The following NRXN1 variants were observed in gnomAD, a reference collection of about 807,000 sequenced individuals.
NRXN1 encodes neurexin 1.
NRXN1 carries 39 observed loss-of-function variants against 150.9 expected under a neutral mutation model. The ratio of observed to expected loss-of-function variants is 0.26; its 90% confidence interval spans 0.20 to 0.34. NRXN1 has a LOEUF of 0.34. Ranked by LOEUF, NRXN1 falls within the 10% of genes least tolerant of loss-of-function variation. The pLI, the probability that NRXN1 is intolerant of heterozygous loss-of-function variation, is 1.00. For synonymous variants in NRXN1, 924 were observed against 757.0 expected, an observed-to-expected ratio of 1.22 and a Z score of -3.62; for missense variants, 1,815 against 1,949.9, an observed-to-expected ratio of 0.93 and a Z score of 1.30.
At chr2:50,759,826 C>CTGTG (rs72209781) in intron 5 of NRXN1, among the ~76,000 whole-genome samples, 14,664 of 142,118 alleles carry the variant, frequency 0.1, 814 homozygotes, top group African/African-American at 0.14. Flanking sequence ...TCTAACTAAG[C>CTGTG]TGTGTGTGTG....
rs79713497 is a variant in NRXN1, at chr2:50,648,185, C to T, written c.833-24570G>A. On this transcript the variant is annotated intron_variant, in intron 5 of 22. Transcript: ENST00000401669. ...ATATTGGGATCTACAGAGACTCAAT[C>T]GCCAACAACGACATAAGGCAAAACC... Among the ~76,000 whole-genome samples, 668 of 152,014 alleles carry T rather than the reference C, an allele frequency of 4.4e-3. 10 individuals carry two copies. In the East Asian group the frequency reaches 0.064, roughly 15 times the overall value.
At chr2:51,001,406 T>G (rs1700062598) in intron 2 of NRXN1, among the ~76,000 whole-genome samples, 2 of 151,964 alleles carry the variant, frequency 1.3e-5, no homozygotes. Flanking sequence ...AAAGTGCATC[T>G]GCAAGTCTTT....
At chr2:50,645,909 T>C (rs1016786529) in intron 5 of NRXN1, among the ~76,000 whole-genome samples, 1 of 151,898 alleles carries the variant, frequency 6.6e-6, no homozygotes, top group African/African-American at 2.4e-5. Context: ...AAACAAATCA[T>C]TCAATTACAT....
chr2:51,028,264 C>T lies in NRXN1; in HGVS notation c.10G>A (p.Ala4Thr), dbSNP rs201209686. 1.3e-5 allele frequency: 19 copies of T among 1,449,154 alleles called. No homozygotes were observed. The highest frequency in any genetic ancestry group is 1.5e-5 in the South Asian group (1 of 67,784). The allele number at this position is 1,449,154 out of a possible 1,614,324, so 89.8% of individuals were successfully genotyped here. Residue 4 changes from alanine (A) to threonine (T), a missense_variant, in exon 2 of 23, where the codon GCG becomes ACG. Coordinates refer to ENST00000401669, the MANE Select transcript of NRXN1 (RefSeq NM_001330078.2). The part of the protein sequence containing the change: MGT[A>T]LLQRGGCFLL... ...AAACAGCCCCCGCGCTGGAGCAGCG[C>T]CGTCCCCATGCTCGGGGCTGGGGTG...
intron 5 of NRXN1, among the ~76,000 whole-genome samples, chr2:50,850,833 T>G (rs2105975356): frequency 6.6e-6 from 1 of 152,236 alleles, no homozygotes; most frequent in Admixed American, 6.5e-5. Context: ...AACAACAGAT[T>G]TTTGTTTTCT....
intron 18 of NRXN1, among the ~76,000 whole-genome samples, chr2:50,092,189 C>T (rs541473041): frequency 9.2e-5 from 14 of 152,058 alleles, no homozygotes; most frequent in Non-Finnish European, 1.8e-4. Flanking sequence ...GCAAAGATAC[C>T]GTTATCCAAA....
chr2:50,583,041 T>C (rs1376759684), intron 8 of NRXN1, among the ~76,000 whole-genome samples: 2 of 151,380 alleles, frequency 1.3e-5, no homozygotes, highest in African/African-American at 4.9e-5. Flanking sequence ...TACTTTCACC[T>C]CCCACCTAGT....
intron 19 of NRXN1, among the ~76,000 whole-genome samples, chr2:50,059,953 G>T (rs1694261250): frequency 6.6e-6 from 1 of 152,208 alleles, no homozygotes; most frequent in African/African-American, 2.4e-5. Context: ...TTCTGCTAGG[G>T]CAGTGCAGAA....
At chr2:50,434,135 C>A (rs1463864016) in intron 17 of NRXN1, among the ~76,000 whole-genome samples, 1 of 145,514 alleles carries the variant, frequency 6.9e-6, no homozygotes, top group Non-Finnish European at 1.5e-5. Flanking sequence ...TCTCCGCTCA[C>A]TGCAAGCTCC....
intron 21 of NRXN1, among the ~76,000 whole-genome samples, chr2:50,000,927 T>C (rs926847890): frequency 3.9e-5 from 6 of 152,170 alleles, no homozygotes. Context: ...CCAGGGGTTG[T>C]TCAATTGTGA....
At chr2:49,965,250 G>A (rs1287979589) in intron 21 of NRXN1, among the ~76,000 whole-genome samples, 2 of 151,730 alleles carry the variant, frequency 1.3e-5, no homozygotes, top group African/African-American at 4.8e-5. Context: ...AATTATTATA[G>A]ACACCAGCAG....
chr2:50,666,481 G>A (rs1294396589), intron 5 of NRXN1, among the ~76,000 whole-genome samples: 1 of 151,792 alleles, frequency 6.6e-6, no homozygotes, highest in African/African-American at 2.4e-5. Flanking sequence ...TAACTTTTTT[G>A]AGAACCTCAC....
At chr2:50,961,565 TG>T in intron 2 of NRXN1, among the ~76,000 whole-genome samples, 1 of 151,810 alleles carries the variant, frequency 6.6e-6, no homozygotes, top group South Asian at 2.1e-4. Context: ...GACAGAGTAA[TG>T]GGGAATACTT....
intron 8 of NRXN1, among the ~76,000 whole-genome samples, chr2:50,617,163 C>T (rs1350684305): frequency 6.6e-6 from 1 of 151,864 alleles, no homozygotes; most frequent in Non-Finnish European, 1.5e-5. Context: ...GCTGGGATTA[C>T]AGGCATGAAC....
chr2:50,116,169 C>A (rs919729123), intron 18 of NRXN1, among the ~76,000 whole-genome samples: 1 of 151,870 alleles, frequency 6.6e-6, no homozygotes, highest in Non-Finnish European at 1.5e-5. Context: ...TAAAGAGCTA[C>A]GCAATTTTTG....
chr2:50,278,710 C>T (rs778106323), intron 17 of NRXN1, among the ~76,000 whole-genome samples: 3 of 152,096 alleles, frequency 2.0e-5, no homozygotes, highest in Non-Finnish European at 2.9e-5. Flanking sequence ...GAAAAGAACC[C>T]CTTTATGTCC....
intron 17 of NRXN1, among the ~76,000 whole-genome samples, chr2:50,342,025 G>T (rs1198116513): frequency 6.6e-6 from 1 of 152,118 alleles, no homozygotes; most frequent in Admixed American, 6.5e-5. Flanking sequence ...ACTTCTTGAT[G>T]GTTCTGCCTC....
intron 3 of NRXN1, among the ~76,000 whole-genome samples, chr2:50,923,244 C>G (rs1049703699): frequency 6.6e-6 from 1 of 151,690 alleles, no homozygotes; most frequent in African/African-American, 2.4e-5. Flanking sequence ...TAGGCTTGTT[C>G]AAATACAAAA....
At chr2:50,404,557 T>C (rs1346125549) in intron 17 of NRXN1, among the ~76,000 whole-genome samples, 1 of 152,112 alleles carries the variant, frequency 6.6e-6, no homozygotes, top group Non-Finnish European at 1.5e-5. Context: ...TCTGGGTCCA[T>C]TAAGCCCCTC....
Sources: gnomAD v4.1 joint callset for allele counts (sites outside exome capture counted in the v4.1 genomes callset) on GRCh38, gnomAD v4.1.1 for gene constraint, MANE v1.5 for transcripts, NCBI Gene and HGNC (gene_info 2026-07-23, HGNC 2026-07-21) for gene names.